Variants in RIMBP2 observed in about 807,000 individuals in gnomAD.
RIMBP2 encodes the protein RIMS-binding protein 2.
RIMBP2 carries 48 observed loss-of-function variants against 118.6 expected under a neutral mutation model. The ratio of observed to expected loss-of-function variants is 0.40; its 90% confidence interval spans 0.32 to 0.51. The LOEUF (loss-of-function observed/expected upper bound fraction) is 0.51, where lower values mean the gene tolerates loss of function less well. Ranked by LOEUF, RIMBP2 falls within the 20% of genes least tolerant of loss-of-function variation. The pLI is 0.41. For synonymous variants in RIMBP2, 762 were observed against 742.9 expected (o/e 1.03, Z -0.42); for missense variants, 1,551 against 1,768.3 (o/e 0.88, Z 2.20).
In RIMBP2 at chr12:130,511,439, C is replaced by G. The variant is rs748402098; in HGVS notation, c.-126-4669G>C. Among the ~76,000 whole-genome samples, 1 of 152,194 alleles carries G rather than the reference C, an allele frequency of 6.6e-6. No homozygotes were observed. The highest frequency in any genetic ancestry group is 1.5e-5 in the Non-Finnish European group (1 of 68,036). ...GCACGCGTCGAATTGTCACTCTACACCAACAACTGGCATCTGTCCCTGGAA... is the reference window on the plus strand; with the variant it reads ...GCACGCGTCGAATTGTCACTCTACAGCAACAACTGGCATCTGTCCCTGGAA... On this transcript the variant is annotated intron_variant, in intron 3 of 22. Transcript: ENST00000690449. The surrounding 1 kb of genome is among the most constrained non-coding windows in gnomAD (Gnocchi z 4.3).
intron 2 of RIMBP2, among the ~76,000 whole-genome samples, chr12:130,598,815 C>T (rs1286172602): frequency 6.6e-6 from 1 of 151,818 alleles, no homozygotes; most frequent in Non-Finnish European, 1.5e-5. Flanking sequence ...ATCGGATAGA[C>T]AAATAGTCCA....
At chr12:130,458,020 T>G (rs12319788) in intron 6 of RIMBP2, among the ~76,000 whole-genome samples, 41,083 of 151,364 alleles carry the variant, frequency 0.27, 6,544 homozygotes, top group Non-Finnish European at 0.34. Flanking sequence ...TCTGCCTGTT[T>G]CCTGCTGCGT....
chr12:130,535,763 A>G lies in RIMBP2; in HGVS notation c.-216-17846T>C, dbSNP rs1157978660. Reference sequence around the variant, plus strand: ...CATATATATATATATATATATATATATATATATATATATATATATACACAT... The same window carrying G: ...CATATATATATATATATATATATATGTATATATATATATATATATACACAT... On this transcript the variant is annotated intron_variant, in intron 2 of 22. Coordinates refer to ENST00000690449, the MANE Select transcript of RIMBP2 (RefSeq NM_001393629.1). Among the ~76,000 whole-genome samples, 41 of 64,350 alleles carry G rather than the reference A, an allele frequency of 6.4e-4. No homozygotes were observed. The South Asian group carries it at 0.022, about 35-fold the overall frequency. The allele number at this position is 64,350 out of a possible 152,430, so 42.2% of individuals were successfully genotyped here.
At chr12:130,615,201 A>G (rs1165933795) in intron 2 of RIMBP2, among the ~76,000 whole-genome samples, 1 of 145,508 alleles carries the variant, frequency 6.9e-6, no homozygotes, top group Non-Finnish European at 1.5e-5. Flanking sequence ...ATTACAACAT[A>G]TACATCATAT....
At position 130,442,425 on chromosome 12, in the gene RIMBP2, G is replaced by A. The variant is rs145945316; in HGVS notation, c.927C>T (p.Ile309=). The A allele has an allele frequency of 4.6e-5, 75 of 1,614,034 alleles. No individual in the cohort carries two copies. Among genetic ancestry groups the A allele is most frequent in the African/African-American group, 2.8e-4 (21 of 74,906 alleles). ...AGTLDVNIDD[I]GEDIVPYPRK... ...TAGGGTAAGGCACGATGTCTTCTCC[G>A]ATGTCGTCGATGTTCACGTCCAGGG... Residue 309 remains isoleucine, a synonymous_variant, in exon 11 of 23, where the codon ATC becomes ATT. Coordinates refer to ENST00000690449, the MANE Select transcript of RIMBP2 (RefSeq NM_001393629.1). This position sits in a 1 kb window ranked among gnomAD's most constrained non-coding sequence, Gnocchi z 6.9.
At chr12:130,568,865 G>A (rs1353698754) in intron 2 of RIMBP2, among the ~76,000 whole-genome samples, 1 of 151,992 alleles carries the variant, frequency 6.6e-6, no homozygotes, top group Non-Finnish European at 1.5e-5. Context: ...GCTATTTCTG[G>A]ATCCCAGGGC....
intron 2 of RIMBP2, among the ~76,000 whole-genome samples, chr12:130,535,782 T>TATAC (rs1491537590): frequency 7.7e-5 from 10 of 129,962 alleles, no homozygotes; most frequent in African/African-American, 2.5e-4. Flanking sequence ...TATATATATA[T>TATAC]ACACATATTT....
At chr12:130,640,123 A>G (rs1222068656) in intron 1 of RIMBP2, among the ~76,000 whole-genome samples, 1 of 152,162 alleles carries the variant, frequency 6.6e-6, no homozygotes, top group African/African-American at 2.4e-5. Context: ...ATTCTCGATC[A>G]CAGACATTTC....
In RIMBP2 at chr12:130,436,963, G is replaced by A; in HGVS notation, c.1985C>T (p.Pro662Leu). Residue 662 changes from proline (P) to leucine (L), a missense_variant, in exon 13 of 23, where the codon CCC becomes CTC. This residue lies in a region of RIMBP2 where 1,038 missense variants were observed against 1,125.1 expected (regional missense o/e 0.92). Coordinates refer to ENST00000690449, the MANE Select transcript of RIMBP2 (RefSeq NM_001393629.1). ...HGHMLEPPVG[P>L]GRRSPSPSRI... ...GCTGGGTGAGGGCGACCGCCTTCCG[G>A]GGCCCACGGGCGGCTCCAGCATGTG... The A allele has an allele frequency of 1.9e-6, 3 of 1,607,446 alleles. No individual in the cohort carries two copies. Among genetic ancestry groups the A allele is most frequent in the Non-Finnish European group, 2.5e-6 (3 of 1,177,652 alleles).
intron 2 of RIMBP2, among the ~76,000 whole-genome samples, chr12:130,521,079 A>G (rs1000995355): frequency 6.6e-6 from 1 of 152,128 alleles, no homozygotes; most frequent in Non-Finnish European, 1.5e-5. Flanking sequence ...TGGGGGGGAA[A>G]TCAGAAAATG....
chr12:130,623,874 G>C lies in RIMBP2; in HGVS notation c.-217+4448C>G, dbSNP rs566907066. 4.3e-4 allele frequency among the ~76,000 whole-genome samples: 66 copies of C among 152,282 alleles called. No homozygotes were observed. Among genetic ancestry groups the C allele is most frequent in the Middle Eastern group, 3.4e-3 (1 of 294 alleles). ...CGGTGTACACCACAGTCTCCCAGAG[G>C]TTCCACAGCAGGATTGAGTCCCCAT... On this transcript the variant is annotated intron_variant, in intron 2 of 22. Transcript: ENST00000690449. This position sits in a 1 kb window ranked among gnomAD's most constrained non-coding sequence, Gnocchi z 4.1.
chr12:130,533,061 T>C (rs1454563247), intron 2 of RIMBP2, among the ~76,000 whole-genome samples: 2 of 148,992 alleles, frequency 1.3e-5, no homozygotes, highest in Non-Finnish European at 3.0e-5. Flanking sequence ...TTACATCTAA[T>C]GAGATGCGTA....
At chr12:130,580,714 C>A (rs1593889597) in intron 2 of RIMBP2, among the ~76,000 whole-genome samples, 2 of 152,178 alleles carry the variant, frequency 1.3e-5, no homozygotes, top group East Asian at 3.9e-4. Context: ...CTGGGGCAGG[C>A]AGATCACTTG....
intron 20 of RIMBP2, among the ~76,000 whole-genome samples, 198 bp from the exon 21 acceptor site, chr12:130,406,441 G>A (rs180943063): frequency 6.6e-6 from 1 of 152,298 alleles, no homozygotes; most frequent in East Asian, 1.9e-4. Context: ...AAGATAATGT[G>A]CACCTAAAAG....
At chr12:130,652,598 G>A (rs2063273610) in intron 1 of RIMBP2, among the ~76,000 whole-genome samples, 1 of 152,044 alleles carries the variant, frequency 6.6e-6, no homozygotes, top group African/African-American at 2.4e-5. Context: ...TTGAGGATAT[G>A]GAGCATCTCA....
At chr12:130,408,185 T>C (rs1190701599) in intron 19 of RIMBP2, among the ~76,000 whole-genome samples, 1 of 152,194 alleles carries the variant, frequency 6.6e-6, no homozygotes, top group African/African-American at 2.4e-5. Context: ...TGGGAGGCCC[T>C]GCAGAGTGCA....
chr12:130,565,390 TATC>T (rs1325792986), intron 2 of RIMBP2, among the ~76,000 whole-genome samples: 7 of 152,234 alleles, frequency 4.6e-5, no homozygotes, highest in African/African-American at 7.2e-5. Flanking sequence ...TCAAACTAGG[TATC>T]ATATCATTGT....
At chr12:130,418,446 G>T (rs1036214319) in intron 17 of RIMBP2, among the ~76,000 whole-genome samples, 3 of 152,218 alleles carry the variant, frequency 2.0e-5, no homozygotes, top group African/African-American at 7.2e-5. Flanking sequence ...TGATGGTGGA[G>T]AACAGCTGTG....
At chr12:130,595,840 T>C (rs1315575795) in intron 2 of RIMBP2, among the ~76,000 whole-genome samples, 1 of 152,208 alleles carries the variant, frequency 6.6e-6, no homozygotes, top group Non-Finnish European at 1.5e-5. Context: ...CTAAGGAACT[T>C]GAGTTTCTGA....
Sources: gnomAD v4.1 joint callset for allele counts (sites outside exome capture counted in the v4.1 genomes callset) on GRCh38, gnomAD v4.1.1 for gene constraint, gnomAD v4.1.1 regional missense constraint, Gnocchi (gnomAD v3.1) non-coding constraint, MANE v1.5 for transcripts, NCBI Gene and HGNC (gene_info 2026-07-23, HGNC 2026-07-21) for gene names.